Variants in C9orf85 observed in about 807,000 individuals in gnomAD.
C9orf85 encodes the protein chromosome 9 open reading frame 85, also known as uncharacterized protein C9orf85.
A neutral mutation model predicts 14.9 loss-of-function variants in C9orf85; 16 were observed. The observed-to-expected ratio is 1.08, with a 90% CI of 0.73 to 1.63. C9orf85 has a LOEUF of 1.63. Ranked by LOEUF, C9orf85 falls within the 40% of genes most tolerant of loss-of-function variation. The pLI is 0.00. For missense variants in C9orf85, 172 were observed against 186.1 expected (o/e 0.92, Z 0.44); for synonymous variants, 45 against 56.8 (o/e 0.79, Z 0.93).
chr9:71,927,204 T>C (rs1827950561), intron 1 of C9orf85, among the ~76,000 whole-genome samples: 1 of 147,318 alleles, frequency 6.8e-6, no homozygotes, highest in Non-Finnish European at 1.5e-5. Context: ...GAATTTCTTA[T>C]AGAGCTAAGC....
chr9:71,937,244 C>T (rs536914314), intron 1 of C9orf85, among the ~76,000 whole-genome samples: 1 of 152,254 alleles, frequency 6.6e-6, no homozygotes, highest in South Asian at 2.1e-4. Flanking sequence ...AAAGGTACTG[C>T]CACAGCATGT....
intron 3 of C9orf85, among the ~76,000 whole-genome samples, chr9:71,981,825 G>A (rs557453800): frequency 9.9e-4 from 150 of 152,272 alleles, no homozygotes; most frequent in African/African-American, 3.4e-3. Context: ...CCTTCATTGT[G>A]CTGTAAAGTC....
At chr9:71,956,266 T>C (rs941164012) in intron 2 of C9orf85, among the ~76,000 whole-genome samples, 1 of 146,548 alleles carries the variant, frequency 6.8e-6, no homozygotes, top group Non-Finnish European at 1.5e-5. Context: ...TTTTTTTTTT[T>C]TGAGACAGAA....
At chr9:71,933,727 AC>A (rs1334921112) in intron 1 of C9orf85, among the ~76,000 whole-genome samples, 1 of 152,054 alleles carries the variant, frequency 6.6e-6, no homozygotes, top group Non-Finnish European at 1.5e-5. Context: ...GGAAACCTGG[AC>A]TCCCACTAGA....
At chr9:71,928,463 C>T (rs1464265021) in intron 1 of C9orf85, among the ~76,000 whole-genome samples, 3 of 152,062 alleles carry the variant, frequency 2.0e-5, no homozygotes, top group African/African-American at 7.2e-5. Context: ...ATGCGGAGTA[C>T]ATACTAGCTC....
chr9:71,962,524 G>C (rs535012546), intron 2 of C9orf85, among the ~76,000 whole-genome samples: 1 of 152,166 alleles, frequency 6.6e-6, no homozygotes, highest in Non-Finnish European at 1.5e-5. Context: ...AAAGTACCTC[G>C]TCATCACATA....
chr9:71,966,707 A>T (rs2132349630), intron 2 of C9orf85, among the ~76,000 whole-genome samples: 1 of 152,288 alleles, frequency 6.6e-6, no homozygotes, highest in South Asian at 2.1e-4. Context: ...GATTGTGGCA[A>T]AGCAGGATAT....
chr9:71,921,519 G>A (rs1827806860), intron 1 of C9orf85, among the ~76,000 whole-genome samples: 1 of 152,214 alleles, frequency 6.6e-6, no homozygotes. Context: ...TGCCTTTCCA[G>A]GCTAAACCAA....
rs965863289 is a variant in C9orf85 at position 71,918,456 on chromosome 9, G to A, written c.102+6620G>A. Reference sequence around the variant, plus strand: ...TCTGCAAACTCTAGTCATGATGTTTGAGTTTGTCTCCCTGTGGAGCAGGGG... The same window carrying A: ...TCTGCAAACTCTAGTCATGATGTTTAAGTTTGTCTCCCTGTGGAGCAGGGG... On this transcript the variant is annotated intron_variant, in intron 1 of 3. Transcript: ENST00000334731. The A allele has an allele frequency of 4.6e-6, 6 of 1,303,134 alleles. No individual in the cohort carries two copies. The South Asian group carries it at 5.0e-5, about 11-fold the overall frequency. 80.7% of individuals were successfully genotyped at this position (1,303,134 alleles called of 1,614,324 possible).
At chr9:71,914,978 T>G (rs1191699769) in intron 1 of C9orf85, among the ~76,000 whole-genome samples, 1 of 152,134 alleles carries the variant, frequency 6.6e-6, no homozygotes. Flanking sequence ...TTTCCCTTAC[T>G]GGAAAGGCAG....
chr9:71,957,813 G>T (rs924051225), intron 2 of C9orf85, among the ~76,000 whole-genome samples: 1 of 152,108 alleles, frequency 6.6e-6, no homozygotes. Flanking sequence ...TTCCCACCAT[G>T]AGCCATGATA....
chr9:71,918,804 C>T (rs1827720623), intron 1 of C9orf85, among the ~76,000 whole-genome samples: 1 of 152,078 alleles, frequency 6.6e-6, no homozygotes, highest in Admixed American at 6.5e-5. Context: ...GCTAGGGCTC[C>T]CAATGATTCT....
At chr9:71,964,156 A>C (rs530996294) in intron 2 of C9orf85, among the ~76,000 whole-genome samples, 143 of 150,974 alleles carry the variant, frequency 9.5e-4, no homozygotes, top group African/African-American at 3.3e-3. Context: ...TTGTATAGAC[A>C]CTCTGTATCT....
At chr9:71,918,100 T>C (rs1827700739) in intron 1 of C9orf85, among the ~76,000 whole-genome samples, 1 of 152,114 alleles carries the variant, frequency 6.6e-6, no homozygotes, top group Admixed American at 6.6e-5. Context: ...GGGGAACCAC[T>C]TGAACCCAGG....
At chr9:71,948,826 C>G (rs926739991) in intron 2 of C9orf85, among the ~76,000 whole-genome samples, 16 of 140,126 alleles carry the variant, frequency 1.1e-4, no homozygotes, top group African/African-American at 2.4e-4. Context: ...CCCCCCCCCC[C>G]CTTTAAATAG....
chr9:71,973,209 T>G lies in C9orf85; in HGVS notation c.*367T>G, dbSNP rs572867156. ...TCTGACCACCTTTTGGCTTTGAGTA[T>G]TTTCCAAAAGATATTTGAAATCCTA... is the stretch of plus-strand genomic sequence containing the variant. On this transcript the variant is annotated 3_prime_UTR_variant, in exon 4 of 4. Coordinates refer to ENST00000334731, the MANE Select transcript of C9orf85 (RefSeq NM_182505.5). The G allele has an allele frequency of 1.3e-5, 2 of 152,670 alleles. No homozygotes were observed. Among genetic ancestry groups the G allele is most frequent in the African/African-American group, 4.8e-5 (2 of 41,564 alleles). 9.5% of individuals were successfully genotyped at this position (152,670 alleles called of 1,614,324 possible).
In C9orf85 at chr9:71,953,310, G is replaced by A. The variant is rs568737524; in HGVS notation, c.209+6198G>A. 9.9e-5 allele frequency among the ~76,000 whole-genome samples: 15 copies of A among 152,196 alleles called. No individual in the cohort carries two copies. The South Asian group carries it at 2.7e-3, about 27-fold the overall frequency. ...CAGCTGTCAAATTCTTTAATAAAAC[G>A]CTTATCCAGGAGTCCCATGAATACA... On this transcript the variant is annotated intron_variant, in intron 2 of 3. Coordinates refer to ENST00000334731, the MANE Select transcript of C9orf85 (RefSeq NM_182505.5).
intron 1 of C9orf85, among the ~76,000 whole-genome samples, chr9:71,936,166 G>A (rs958806330): frequency 2.6e-5 from 4 of 152,108 alleles, no homozygotes; most frequent in Non-Finnish European, 4.4e-5. Context: ...AATCTGAGGT[G>A]TCTCAAGGAT....
At chr9:71,981,598 C>T (rs536587290) in intron 3 of C9orf85, among the ~76,000 whole-genome samples, 3 of 152,300 alleles carry the variant, frequency 2.0e-5, no homozygotes, top group Non-Finnish European at 2.9e-5. Context: ...AGTAGACTGA[C>T]TACTATATCT....
Sources: allele counts gnomAD v4.1 joint callset (sites outside exome capture counted in the v4.1 genomes callset), GRCh38; gene constraint gnomAD v4.1.1; transcripts MANE v1.5; gene names NCBI Gene and HGNC (gene_info 2026-07-23, HGNC 2026-07-21).